Variants in ALK observed in about 807,000 individuals in gnomAD.
The protein encoded by ALK is ALK receptor tyrosine kinase.
A neutral mutation model predicts 163.1 loss-of-function variants in ALK; 74 were observed. The ratio of observed to expected loss-of-function variants is 0.45; its 90% CI spans 0.38 to 0.55. The LOEUF is 0.55. ALK is among the 20% of genes least tolerant of loss of function. The pLI, the probability that ALK is intolerant of heterozygous loss-of-function variation, is 0.00. For synonymous variants in ALK, 960 were observed against 843.2 expected, an observed-to-expected ratio of 1.14 and a Z score of -2.40; for missense variants, 2,063 against 2,105.3, an observed-to-expected ratio of 0.98 and a Z score of 0.39.
At chr2:29,450,362 T>C (rs965193292) in intron 4 of ALK, among the ~76,000 whole-genome samples, 6 of 152,146 alleles carry the variant, frequency 3.9e-5, no homozygotes, top group African/African-American at 1.2e-4. Flanking sequence ...GCGGTCCCAA[T>C]TGGGCCAGCC....
chr2:29,482,814 T>C lies in ALK; in HGVS notation c.1154+49101A>G, dbSNP rs78401726. ...CTGGTCTTTGGATAAGAAAGTTCTT[T>C]AGTCTTCCATGACGACTACATGGAT... On this transcript the variant is annotated intron_variant, in intron 4 of 28. Transcript: ENST00000389048. 1.4e-3 allele frequency among the ~76,000 whole-genome samples: 214 copies of C among 152,302 alleles called. 1 individual carries two copies. The highest frequency in any genetic ancestry group is 1.6e-3 in the Non-Finnish European group (112 of 68,024).
At chr2:29,346,265 C>G (rs769192205) in intron 5 of ALK, among the ~76,000 whole-genome samples, 2 of 152,192 alleles carry the variant, frequency 1.3e-5, no homozygotes, top group African/African-American at 2.4e-5. Context: ...AGGAAGCAGG[C>G]AGGGTGAGGA....
chr2:29,476,611 G>T (rs1168837471), intron 4 of ALK, among the ~76,000 whole-genome samples: 1 of 152,062 alleles, frequency 6.6e-6, no homozygotes, highest in Non-Finnish European at 1.5e-5. Context: ...GTAGCCCTGA[G>T]ACCCGGGGGA....
At chr2:29,551,386 A>G (rs1368214912) in intron 3 of ALK, among the ~76,000 whole-genome samples, 2 of 152,148 alleles carry the variant, frequency 1.3e-5, no homozygotes, top group African/African-American at 4.8e-5. Context: ...TTTACTGAGT[A>G]CCAGACACTG....
intron 4 of ALK, among the ~76,000 whole-genome samples, chr2:29,520,112 C>T (rs962369967): frequency 1.2e-4 from 18 of 152,206 alleles, no homozygotes; most frequent in African/African-American, 3.6e-4. Flanking sequence ...AAGGCACACA[C>T]GGACAGGGCA....
intron 4 of ALK, among the ~76,000 whole-genome samples, chr2:29,412,114 A>G (rs946266082): frequency 3.9e-5 from 6 of 152,180 alleles, no homozygotes; most frequent in Non-Finnish European, 1.5e-5. Context: ...TAACTCTTTG[A>G]TCCATTGGTT....
intron 1 of ALK, among the ~76,000 whole-genome samples, chr2:29,915,940 T>G (rs939626766): frequency 6.6e-6 from 1 of 152,254 alleles, no homozygotes; most frequent in Non-Finnish European, 1.5e-5. Flanking sequence ...ATTAACAATT[T>G]CTTAAGTGCT....
rs557688830 is a variant in ALK, at chr2:29,300,006, C to G, written c.1648-2949G>C. Among the ~76,000 whole-genome samples the G allele has an allele frequency of 2.0e-4, 31 of 152,284 alleles. 1 individual carries two copies. Among genetic ancestry groups the G allele is most frequent in the Non-Finnish European group, 1.3e-4 (9 of 68,018 alleles). On this transcript the variant is annotated intron_variant, in intron 8 of 28. Transcript: ENST00000389048. ...GTCTAAAGTTTGAACTAGGGGCTGG[C>G]TAGCTGCTCTGATGGCAGAACAAGG...
chr2:29,415,507 G>C (rs750719282), intron 4 of ALK, among the ~76,000 whole-genome samples: 2 of 152,158 alleles, frequency 1.3e-5, no homozygotes, highest in Non-Finnish European at 2.9e-5. Flanking sequence ...TGGAGACCGT[G>C]AGCAAGGAGT....
chr2:29,586,684 C>T (rs759421662), intron 3 of ALK, among the ~76,000 whole-genome samples: 22 of 152,272 alleles, frequency 1.4e-4, no homozygotes, highest in Non-Finnish European at 2.8e-4. Context: ...GTAAAGTAGG[C>T]GACAACTTGT....
At chr2:29,879,817 A>G (rs912878603) in intron 1 of ALK, among the ~76,000 whole-genome samples, 2 of 152,232 alleles carry the variant, frequency 1.3e-5, no homozygotes, top group Non-Finnish European at 2.9e-5. Flanking sequence ...CTTTGGTAAG[A>G]AGCAGTCAGT....
chr2:29,672,613 T>C (rs1677738032), intron 3 of ALK, among the ~76,000 whole-genome samples: 1 of 151,792 alleles, frequency 6.6e-6, no homozygotes, highest in South Asian at 2.1e-4. Context: ...TCTTTGCTAT[T>C]GTGAATAGTG....
chr2:29,848,240 A>ATTGATATT (rs1048135085), intron 1 of ALK, among the ~76,000 whole-genome samples: 8 of 151,864 alleles, frequency 5.3e-5, no homozygotes, highest in Non-Finnish European at 1.0e-4. Context: ...AAAGGCAAAA[A>ATTGATATT]TTGATATTTT....
intron 12 of ALK, among the ~76,000 whole-genome samples, chr2:29,240,891 G>A (rs1215350414): frequency 1.3e-5 from 2 of 152,214 alleles, no homozygotes; most frequent in African/African-American, 4.8e-5. Flanking sequence ...AAAAAACCAG[G>A]AAGAGATGCA....
intron 5 of ALK, among the ~76,000 whole-genome samples, chr2:29,379,696 C>T (rs189837057): frequency 2.0e-5 from 3 of 152,092 alleles, no homozygotes; most frequent in East Asian, 1.9e-4. Flanking sequence ...CACATGAAAG[C>T]GCCACAAAAG....
chr2:29,526,815 G>A (rs911546836), intron 4 of ALK, among the ~76,000 whole-genome samples: 1 of 152,220 alleles, frequency 6.6e-6, no homozygotes, highest in Non-Finnish European at 1.5e-5. Context: ...AGCAGCCTGG[G>A]AAAAGCAATC....
Position 29,320,895 on chromosome 2 carries a change from C to T in ALK, c.1415-13G>A, listed in dbSNP as rs2148251149. 6.2e-7 allele frequency: 1 copy of T among 1,614,086 alleles called. No individual in the cohort carries two copies. Among genetic ancestry groups the T allele is most frequent in the Non-Finnish European group, 8.5e-7 (1 of 1,179,984 alleles). ...ACAGGCAGTTTCCCTATGGAGAGAG[C>T]AGAGAGGCACCATCATTTTCAGGAC... On this transcript the variant is annotated splice_polypyrimidine_tract_variant and intron_variant, in intron 6 of 28. Transcript: ENST00000389048.
chr2:29,288,426 G>A (rs1332246160), intron 9 of ALK, among the ~76,000 whole-genome samples: 11 of 152,206 alleles, frequency 7.2e-5, no homozygotes, highest in Non-Finnish European at 1.5e-4. Context: ...ACAAGTCAGA[G>A]TCCTTTCTTT....
At chr2:29,894,144 C>G (rs1021990230) in intron 1 of ALK, among the ~76,000 whole-genome samples, 13 of 152,258 alleles carry the variant, frequency 8.5e-5, no homozygotes, top group Admixed American at 7.2e-4. Context: ...GATCAAGAAA[C>G]CCAGAGAGAA....
Sources: allele counts gnomAD v4.1 joint callset (sites outside exome capture counted in the v4.1 genomes callset), GRCh38; gene constraint gnomAD v4.1.1; transcripts MANE v1.5; gene names NCBI Gene and HGNC (gene_info 2026-07-23, HGNC 2026-07-21).